The following SSH2 variants were observed in gnomAD, a reference collection of about 807,000 sequenced individuals.
The protein encoded by SSH2 is protein phosphatase Slingshot homolog 2.
Under a neutral mutation model 135.2 loss-of-function variants are expected in SSH2, and 37 were observed. The observed-to-expected ratio is 0.27, with a 90% CI of 0.21 to 0.36. SSH2 has a LOEUF of 0.36. SSH2 is among the 10% of genes least tolerant of loss of function. The pLI is 1.00. For synonymous variants in SSH2, 628 were observed against 646.2 expected, an observed-to-expected ratio of 0.97 and a Z score of 0.43; for missense variants, 1,408 against 1,765.3, an observed-to-expected ratio of 0.80 and a Z score of 3.63.
chr17:29,897,535 C>T (rs1451743515), intron 1 of SSH2, among the ~76,000 whole-genome samples: 1 of 151,624 alleles, frequency 6.6e-6, no homozygotes, highest in African/African-American at 2.4e-5. Flanking sequence ...GAGACAAGGC[C>T]ATTACATAAT....
At chr17:29,731,560 A>G (rs2040200836) in intron 3 of SSH2, among the ~76,000 whole-genome samples, 1 of 151,876 alleles carries the variant, frequency 6.6e-6, no homozygotes, top group Non-Finnish European at 1.5e-5. Context: ...GGTTCAAGCG[A>G]TTCTCGTGCC....
intron 2 of SSH2, among the ~76,000 whole-genome samples, chr17:29,808,630 G>A (rs1490331205): frequency 6.6e-6 from 1 of 152,148 alleles, no homozygotes; most frequent in Non-Finnish European, 1.5e-5. Context: ...GTCTAACTAT[G>A]TGTATACTAT....
chr17:29,894,720 C>T (rs982063006), intron 1 of SSH2, among the ~76,000 whole-genome samples: 1 of 152,004 alleles, frequency 6.6e-6, no homozygotes, highest in Non-Finnish European at 1.5e-5. Flanking sequence ...ACCACTTAAA[C>T]TGGCCCCAGT....
chr17:29,846,195 C>T (rs1481452003), intron 2 of SSH2, among the ~76,000 whole-genome samples: 2 of 152,076 alleles, frequency 1.3e-5, no homozygotes, highest in African/African-American at 2.4e-5. Flanking sequence ...TGCACCACCA[C>T]GCCAGACTTT....
intron 3 of SSH2, among the ~76,000 whole-genome samples, chr17:29,707,456 C>T (rs1165689370): frequency 6.6e-6 from 1 of 151,852 alleles, no homozygotes; most frequent in African/African-American, 2.4e-5. Flanking sequence ...AAGAGGCTTT[C>T]CTATTTGAAA....
In SSH2 at chr17:29,929,986, C is replaced by G. The variant is rs374291688; in HGVS notation, c.15G>C (p.Thr5=). 4 of 1,595,886 alleles carry G rather than the reference C, an allele frequency of 2.5e-6. No homozygotes were observed. The highest frequency in any genetic ancestry group is 3.4e-6 in the Non-Finnish European group (4 of 1,170,834). The change falls in exon 1 of 16, where the codon ACG becomes ACC. Residue 5 remains threonine (T), a synonymous_variant. Transcript: ENST00000540801. MALV[T]VQRSPTPSTT... ...TGCTGGGGGTAGGTGACCGCTGGAC[C>G]GTGACCAAAGCCATCTAGGCGCTGC...
intron 3 of SSH2, among the ~76,000 whole-genome samples, chr17:29,783,688 G>A (rs1302509699): frequency 3.9e-5 from 6 of 152,044 alleles, no homozygotes; most frequent in African/African-American, 1.4e-4. Context: ...ATCCAATCAA[G>A]CTGACACTCA....
chr17:29,904,281 C>G (rs932889314), intron 1 of SSH2, among the ~76,000 whole-genome samples: 2 of 152,156 alleles, frequency 1.3e-5, no homozygotes, highest in Non-Finnish European at 2.9e-5. Context: ...AATCCAGCAG[C>G]ACATCAAAAA....
intron 3 of SSH2, among the ~76,000 whole-genome samples, chr17:29,766,643 T>C (rs1317755128): frequency 5.3e-5 from 8 of 152,174 alleles, no homozygotes; most frequent in Admixed American, 5.2e-4. Context: ...AAAGCTTTCA[T>C]GTAATAGCTT....
intron 3 of SSH2, among the ~76,000 whole-genome samples, chr17:29,712,048 A>T (rs2039449608): frequency 6.6e-6 from 1 of 152,198 alleles, no homozygotes; most frequent in Non-Finnish European, 1.5e-5. Flanking sequence ...ATGAGACATC[A>T]ATCGATATAT....
At chr17:29,644,561 C>A (rs1006062661) in intron 14 of SSH2, among the ~76,000 whole-genome samples, 2 of 152,180 alleles carry the variant, frequency 1.3e-5, no homozygotes, top group Non-Finnish European at 2.9e-5. Flanking sequence ...GTAATCCCAG[C>A]ACTTTGGGAG....
At chr17:29,694,066 T>A (rs2038613164) in intron 5 of SSH2, among the ~76,000 whole-genome samples, 1 of 151,512 alleles carries the variant, frequency 6.6e-6, no homozygotes, top group Non-Finnish European at 1.5e-5. Context: ...TCATAAACTT[T>A]CTGAAAACAT....
chr17:29,715,760 C>T (rs2151156743), intron 3 of SSH2, among the ~76,000 whole-genome samples: 1 of 152,266 alleles, frequency 6.6e-6, no homozygotes, highest in Non-Finnish European at 1.5e-5. Flanking sequence ...GAAAGAAAAG[C>T]AGCTGAACAC....
intron 5 of SSH2, among the ~76,000 whole-genome samples, chr17:29,690,174 C>T (rs550580256): frequency 3.3e-5 from 5 of 152,126 alleles, no homozygotes; most frequent in African/African-American, 1.2e-4. Context: ...GAAGCCAAGG[C>T]GGGCAGATCA....
At chr17:29,650,266 T>G (rs1212500558) in intron 13 of SSH2, among the ~76,000 whole-genome samples, 1 of 152,226 alleles carries the variant, frequency 6.6e-6, no homozygotes, top group Non-Finnish European at 1.5e-5. Flanking sequence ...GTTTGTCTCC[T>G]TATCTTCAGC....
intron 3 of SSH2, among the ~76,000 whole-genome samples, chr17:29,739,811 G>A (rs140038344): frequency 2.6e-5 from 4 of 152,236 alleles, no homozygotes; most frequent in African/African-American, 7.2e-5. Context: ...TGATATCTGC[G>A]TTCTCACAGT....
chr17:29,803,330 C>G (rs1284078221), intron 2 of SSH2, among the ~76,000 whole-genome samples: 1 of 152,152 alleles, frequency 6.6e-6, no homozygotes, highest in African/African-American at 2.4e-5. Context: ...TATGGAGGAT[C>G]TAAGCAGCTT....
intron 1 of SSH2, among the ~76,000 whole-genome samples, chr17:29,858,235 A>G (rs1308546748): frequency 6.6e-6 from 1 of 152,208 alleles, no homozygotes; most frequent in Non-Finnish European, 1.5e-5. Context: ...CTTACAATTA[A>G]ACTCATTTTC....
At chr17:29,675,450 G>A (rs1193432263) in intron 8 of SSH2, among the ~76,000 whole-genome samples, 1 of 152,088 alleles carries the variant, frequency 6.6e-6, no homozygotes, top group African/African-American at 2.4e-5. Flanking sequence ...CTGAATCTTA[G>A]TCACATCATT....
Sources: allele counts gnomAD v4.1 joint callset (sites outside exome capture counted in the v4.1 genomes callset), GRCh38; gene constraint gnomAD v4.1.1; transcripts MANE v1.5; gene names NCBI Gene and HGNC (gene_info 2026-07-23, HGNC 2026-07-21).